The following PBRM1 variants were observed in gnomAD, a reference collection of about 807,000 sequenced individuals.
The protein encoded by PBRM1 is polybromo 1, also known as protein polybromo-1.
Under a neutral mutation model 194.5 loss-of-function variants are expected in PBRM1, and 27 were observed. That is an observed-to-expected ratio of 0.14 (90% CI 0.10 to 0.19). PBRM1 has a LOEUF of 0.19. PBRM1 is among the 10% of genes least tolerant of loss of function. The pLI is 1.00. For missense variants in PBRM1, 1,466 were observed against 2,077.2 expected (o/e 0.71, Z 5.72); for synonymous variants, 655 against 693.2 (o/e 0.94, Z 0.87).
At chr3:52,546,454 G>A (rs1396305095), downstream of PBRM1, 1 of 229,328 alleles carries the variant, frequency 4.4e-6, no homozygotes, top group Non-Finnish European at 8.7e-6. Context: ...AGGCAATTAA[G>A]TTAAAGGGCC....
intron 22 of PBRM1, among the ~76,000 whole-genome samples, chr3:52,564,860 C>T (rs2084649971): frequency 6.6e-6 from 1 of 152,116 alleles, no homozygotes; most frequent in South Asian, 2.1e-4. Flanking sequence ...TGGATTTCCA[C>T]TTCTGCACAT....
intron 6 of PBRM1, 71 bp from the exon 8 acceptor site, chr3:52,648,513 C>T (rs1335983907): frequency 1.3e-6 from 1 of 758,750 alleles, no homozygotes; most frequent in South Asian, 1.8e-5. Flanking sequence ...AAAAAAAGAA[C>T]CCCACATATT....
At chr3:52,571,412 G>A (rs919341265) in intron 22 of PBRM1, among the ~76,000 whole-genome samples, 2 of 151,248 alleles carry the variant, frequency 1.3e-5, no homozygotes, top group African/African-American at 2.4e-5. Flanking sequence ...TGGATCACGA[G>A]GTCAGGAGAT....
At chr3:52,679,507 C>A in intron 1 of PBRM1, 67 bp downstream of exon 2, 1 of 1,424,872 alleles carries the variant, frequency 7.0e-7, no homozygotes, top group Non-Finnish European at 9.7e-7. Context: ...AACAATTTTA[C>A]CATTAAAGGG....
In PBRM1 at chr3:52,655,139, G is replaced by A. The variant is rs530482243; in HGVS notation, c.645+3060C>T. On this transcript the variant is annotated intron_variant, in intron 5 of 29. Coordinates refer to ENST00000296302, the Ensembl canonical transcript of PBRM1. ...TTTTAAGTGTACAGTTCTGTGGCAT[G>A]AGGTACACTCACACTGCTGTGCAAC... 2.6e-5 allele frequency among the ~76,000 whole-genome samples: 4 copies of A among 152,144 alleles called. No individual in the cohort carries two copies. In the East Asian group the frequency reaches 5.8e-4, roughly 22 times the overall value.
intron 17 of PBRM1, among the ~76,000 whole-genome samples, chr3:52,600,020 A>T (rs1007505682): frequency 2.0e-5 from 3 of 152,118 alleles, no homozygotes; most frequent in Non-Finnish European, 2.9e-5. Flanking sequence ...TACAATCACA[A>T]TTTTTGTTTT....
exon 24 of PBRM1, chr3:52,563,336 G>A: frequency 6.2e-7 from 1 of 1,614,122 alleles, no homozygotes; most frequent in Non-Finnish European, 8.5e-7. Flanking sequence ...GGGGTCTGAA[G>A]CTGAGGTAGA....
intron 15 of PBRM1, among the ~76,000 whole-genome samples, chr3:52,610,580 T>C (rs2153431584): frequency 6.6e-6 from 1 of 152,330 alleles, no homozygotes; most frequent in South Asian, 2.1e-4. Context: ...CAGTCTGGTA[T>C]ATCTTCAAAC....
At chr3:52,571,548 C>T (rs2153603520) in intron 22 of PBRM1, among the ~76,000 whole-genome samples, 1 of 144,622 alleles carries the variant, frequency 6.9e-6, no homozygotes, top group African/African-American at 2.6e-5. Flanking sequence ...ATAGCTTGAA[C>T]CCAGGAGGTG....
At chr3:52,586,592 T>C in exon 20 of PBRM1, 1 of 1,614,070 alleles carries the variant, frequency 6.2e-7, no homozygotes, top group Non-Finnish European at 8.5e-7. Flanking sequence ...GTCCACAGTT[T>C]AATTTTCTTA....
At chr3:52,552,897 A>T (rs1472867446) in intron 27 of PBRM1, among the ~76,000 whole-genome samples, 1 of 152,234 alleles carries the variant, frequency 6.6e-6, no homozygotes, top group Admixed American at 6.5e-5. Flanking sequence ...CACTGTTTTC[A>T]TATGAAGCAC....
chr3:52,662,444 T>G (rs2096743639), intron 3 of PBRM1, among the ~76,000 whole-genome samples, 168 bp from the exon 5 acceptor site: 1 of 152,206 alleles, frequency 6.6e-6, no homozygotes, highest in Non-Finnish European at 1.5e-5. Context: ...AAATTAAGTG[T>G]ATGTTTTAAA....
At chr3:52,644,761 T>C in exon 8 of PBRM1, 1 of 1,532,530 alleles carries the variant, frequency 6.5e-7, no homozygotes, top group Non-Finnish European at 9.0e-7. Flanking sequence ...CTTTTTCATA[T>C]AAAATATTTT....
At chr3:52,666,530 C>A (rs1209833843) in intron 3 of PBRM1, among the ~76,000 whole-genome samples, 1 of 143,290 alleles carries the variant, frequency 7.0e-6, no homozygotes, top group African/African-American at 2.6e-5. Flanking sequence ...AGCGAGACTC[C>A]ATCTCAAAAA....
chr3:52,601,518 G>A (rs1375012353), intron 17 of PBRM1, among the ~76,000 whole-genome samples: 1 of 152,070 alleles, frequency 6.6e-6, no homozygotes, highest in Non-Finnish European at 1.5e-5. Flanking sequence ...AGGAAGCGGA[G>A]CTCAGGGGGT....
At chr3:52,610,158 A>ACC (rs2153428845) in intron 15 of PBRM1, among the ~76,000 whole-genome samples, 1 of 152,266 alleles carries the variant, frequency 6.6e-6, no homozygotes, top group Admixed American at 6.5e-5. Flanking sequence ...TTGATGGGAG[A>ACC]CTACTGTAAG....
At chr3:52,558,342 G>C (rs1364896872) in exon 26 of PBRM1, 3 of 1,550,164 alleles carry the variant, frequency 1.9e-6, no homozygotes, top group African/African-American at 2.7e-5. Context: ...CCTGCTCGGG[G>C]AGAAGCACTC....
chr3:52,634,716 C>T (rs1440257006), exon 11 of PBRM1: 1 of 1,613,766 alleles, frequency 6.2e-7, no homozygotes, highest in African/African-American at 1.3e-5. Flanking sequence ...GTTATTCCGA[C>T]AACTCCTAAC....
At chr3:52,596,085 C>A (rs2093508198) in intron 17 of PBRM1, among the ~76,000 whole-genome samples, 1 of 152,086 alleles carries the variant, frequency 6.6e-6, no homozygotes, top group South Asian at 2.1e-4. Flanking sequence ...GTGATTCCTC[C>A]AGTTTTCTTT....
Sources: gnomAD v4.1 joint callset for allele counts (sites outside exome capture counted in the v4.1 genomes callset) on GRCh38, gnomAD v4.1.1 for gene constraint, MANE v1.5 for transcripts, NCBI Gene and HGNC (gene_info 2026-07-23, HGNC 2026-07-21) for gene names.